Variants in NFIB observed in about 807,000 individuals in gnomAD.
The protein encoded by NFIB is nuclear factor 1 B-type.
Under a neutral mutation model 61.5 loss-of-function variants are expected in NFIB, and 11 were observed. The ratio of observed to expected loss-of-function variants is 0.18; its 90% CI spans 0.11 to 0.30. NFIB has a LOEUF of 0.30. Ranked by LOEUF, NFIB falls within the 10% of genes least tolerant of loss-of-function variation. The probability of loss-of-function intolerance (pLI) is 1.00; values close to 1 mark genes in which losing one functional copy is unlikely to be tolerated. For synonymous variants in NFIB, 260 were observed against 216.5 expected, an observed-to-expected ratio of 1.20 and a Z score of -1.76; for missense variants, 471 against 608.9, an observed-to-expected ratio of 0.77 and a Z score of 2.38.
upstream of NFIB, among the ~76,000 whole-genome samples, chr9:14,316,076 T>C (rs1266750528): frequency 1.3e-5 from 2 of 152,142 alleles, no homozygotes; most frequent in Non-Finnish European, 2.9e-5. Context: ...CCGTCCCCTC[T>C]TCCCTCCCCC....
chr9:14,333,016 G>C (rs922336767), intron 1 of NFIB, among the ~76,000 whole-genome samples: 1 of 152,170 alleles, frequency 6.6e-6, no homozygotes, highest in Non-Finnish European at 1.5e-5. Flanking sequence ...GGGGTATTCA[G>C]GGGTATCTAG....
intron 2 of NFIB, chr9:14,300,238 A>G (rs981027835): frequency 3.3e-5 from 13 of 398,400 alleles, no homozygotes; most frequent in Middle Eastern, 6.2e-4. Flanking sequence ...TCTTCTTGCT[A>G]TGCTTGGCAC....
chr9:14,343,073 G>A (rs557027515), intron 1 of NFIB, among the ~76,000 whole-genome samples: 49 of 152,150 alleles, frequency 3.2e-4, no homozygotes, highest in Non-Finnish European at 3.7e-4. Context: ...AGTGGGTGGC[G>A]AGGGGATGCC....
At chr9:14,414,227 A>G in the NFIB span, among the ~76,000 whole-genome samples, 1 of 152,060 alleles carries the variant, frequency 6.6e-6, no homozygotes, top group Non-Finnish European at 1.5e-5. Context: ...TACAAGGTCA[A>G]GAGATTGAGA....
chr9:14,287,357 G>C lies in NFIB; in HGVS notation c.562+19632C>G, dbSNP rs920122426. 5.0e-4 allele frequency among the ~76,000 whole-genome samples: 18 copies of C among 36,152 alleles called. 1 individual carries two copies. Among genetic ancestry groups the C allele is most frequent in the African/African-American group, 1.1e-3 (18 of 15,870 alleles). 23.7% of individuals were successfully genotyped at this position (36,152 alleles called of 152,430 possible). A position where few individuals can be genotyped will look rare whatever the true frequency, so the allele number is the denominator to read the frequency against. On this transcript the variant is annotated intron_variant, in intron 2 of 10. Transcript: ENST00000380953. The stretch of plus-strand genomic sequence containing the variant: ...GAGGCAGGAGAATGGTGTGAACCCG[G>C]GAGGCGGCTTGCAGTGAGCTGAGAT...
At chr9:14,212,853 G>T (rs911356135) in intron 2 of NFIB, among the ~76,000 whole-genome samples, 7 of 152,130 alleles carry the variant, frequency 4.6e-5, no homozygotes, top group Admixed American at 3.3e-4. Flanking sequence ...CCATTTCATA[G>T]ATAAGGAAAT....
At chr9:14,343,343 G>A (rs2060975378) in intron 1 of NFIB, among the ~76,000 whole-genome samples, 1 of 152,158 alleles carries the variant, frequency 6.6e-6, no homozygotes, top group South Asian at 2.1e-4. Context: ...ATGGGCTGGG[G>A]CGGGGGAGAG....
At chr9:14,460,483 G>A in the NFIB span, among the ~76,000 whole-genome samples, 26 of 151,922 alleles carry the variant, frequency 1.7e-4, no homozygotes, top group African/African-American at 6.0e-4. Flanking sequence ...AAACCTGCAC[G>A]TTGTGCACAT....
intron 2 of NFIB, among the ~76,000 whole-genome samples, chr9:14,267,650 T>C (rs988181994): frequency 3.3e-5 from 5 of 152,326 alleles, no homozygotes; most frequent in Middle Eastern, 6.8e-3. Flanking sequence ...CGGAAATGAC[T>C]TGCTTATAAA....
chr9:14,470,791 G>A, the NFIB span, among the ~76,000 whole-genome samples: 2 of 152,160 alleles, frequency 1.3e-5, no homozygotes, highest in Non-Finnish European at 2.9e-5. Flanking sequence ...AAAGAGCCAG[G>A]GGAACGGAAC....
At chr9:14,147,190 C>T (rs2042358644) in intron 5 of NFIB, among the ~76,000 whole-genome samples, 1 of 151,950 alleles carries the variant, frequency 6.6e-6, no homozygotes, top group Admixed American at 6.5e-5. Flanking sequence ...TTTAATAGCA[C>T]TTGTCATTGA....
chr9:14,312,281 T>C (rs2060315574), intron 1 of NFIB, among the ~76,000 whole-genome samples: 1 of 152,266 alleles, frequency 6.6e-6, no homozygotes, highest in African/African-American at 2.4e-5. Context: ...AATTGAAATC[T>C]TAATTATTTG....
the NFIB span, among the ~76,000 whole-genome samples, chr9:14,461,119 C>G: frequency 2.0e-5 from 3 of 152,146 alleles, no homozygotes; most frequent in Non-Finnish European, 4.4e-5. Flanking sequence ...CATAGCATCC[C>G]ACACTGTTCT....
chr9:14,280,107 C>T (rs2058270814), intron 2 of NFIB, among the ~76,000 whole-genome samples: 2 of 152,156 alleles, frequency 1.3e-5, no homozygotes, highest in Admixed American at 1.3e-4. Flanking sequence ...TCCTGTATAT[C>T]TAGTTTAGTA....
the NFIB span, among the ~76,000 whole-genome samples, chr9:14,430,332 C>T: frequency 2.6e-5 from 4 of 151,652 alleles, no homozygotes; most frequent in African/African-American, 7.3e-5. Context: ...AAGACTTCTT[C>T]TTGCCATGGT....
chr9:14,411,616 A>G, the NFIB span, among the ~76,000 whole-genome samples: 1 of 152,166 alleles, frequency 6.6e-6, no homozygotes, highest in African/African-American at 2.4e-5. Context: ...GAGCCACGGA[A>G]CAATACCAGG....
intron 10 of NFIB, among the ~76,000 whole-genome samples, chr9:14,099,890 G>A (rs1421736621): frequency 6.6e-6 from 1 of 152,096 alleles, no homozygotes; most frequent in Non-Finnish European, 1.5e-5. Flanking sequence ...TGGCCAACAT[G>A]GTGAAATCCA....
rs969965664 is a variant in NFIB at position 14,313,111 on chromosome 9, C to G, written c.30+371G>C. Among the ~76,000 whole-genome samples, 14 of 152,204 alleles carry G rather than the reference C, an allele frequency of 9.2e-5. No homozygotes were observed. The highest frequency in any genetic ancestry group is 3.4e-4 in the African/African-American group (14 of 41,452). Reference sequence around the variant, plus strand: ...AAAGTCCTCCAAAGCCCGAGTCCACCTCAACGCGCGAGCTGCTGAGAGGGG... The same window carrying G: ...AAAGTCCTCCAAAGCCCGAGTCCACGTCAACGCGCGAGCTGCTGAGAGGGG... On this transcript the variant is annotated intron_variant, in intron 1 of 10. Coordinates refer to ENST00000380953, the MANE Select transcript of NFIB (RefSeq NM_001190737.2). The surrounding 1 kb of genome is among the most constrained non-coding windows in gnomAD (Gnocchi z 4.5).
At chr9:14,196,195 G>A (rs891170533) in intron 2 of NFIB, among the ~76,000 whole-genome samples, 2 of 152,054 alleles carry the variant, frequency 1.3e-5, no homozygotes, top group African/African-American at 4.8e-5. Flanking sequence ...CAGTGATGAT[G>A]AGATAAAAGT....
Sources: gnomAD v4.1 joint callset for allele counts (sites outside exome capture counted in the v4.1 genomes callset) on GRCh38, gnomAD v4.1.1 for gene constraint, Gnocchi (gnomAD v3.1) non-coding constraint, MANE v1.5 for transcripts, NCBI Gene and HGNC (gene_info 2026-07-23, HGNC 2026-07-21) for gene names.